ONECUT1: variants seen among roughly 807,000 people sequenced by gnomAD.
The protein encoded by ONECUT1 is hepatocyte nuclear factor 6.
A neutral mutation model predicts 25.6 loss-of-function variants in ONECUT1; 12 were observed. The ratio of observed to expected loss-of-function variants is 0.47; its 90% CI spans 0.30 to 0.76. ONECUT1 has a LOEUF of 0.76. ONECUT1 is among the 30% of genes least tolerant of loss of function. The probability of loss-of-function intolerance (pLI) is 0.07; values close to 1 mark genes in which losing one functional copy is unlikely to be tolerated. For missense variants in ONECUT1, 620 were observed against 651.2 expected (o/e 0.95, Z 0.52); for synonymous variants, 285 against 270.2 (o/e 1.05, Z -0.54).
intron 1 of ONECUT1, among the ~76,000 whole-genome samples, chr15:52,759,510 C>A (rs28641794): frequency 0.038 from 5,783 of 152,282 alleles, 237 homozygotes; most frequent in African/African-American, 0.1. Context: ...AAAAAAAGTT[C>A]TGAGTGTATA....
chr15:52,770,359 C>T (rs1285044410), intron 1 of ONECUT1, among the ~76,000 whole-genome samples: 1 of 152,368 alleles, frequency 6.6e-6, no homozygotes, highest in East Asian at 1.9e-4. Context: ...AGGCTGAGAA[C>T]CACTCCTCTA....
At chr15:52,787,952 G>A (rs1399585992) in intron 1 of ONECUT1, 1 of 152,158 alleles carries the variant, frequency 6.6e-6, no homozygotes, top group East Asian at 1.9e-4. Flanking sequence ...CTAGACTTGG[G>A]GGTCATTTAC....
At chr15:52,760,278 C>A (rs1234647141) in intron 1 of ONECUT1, among the ~76,000 whole-genome samples, 1 of 152,122 alleles carries the variant, frequency 6.6e-6, no homozygotes, top group Admixed American at 6.5e-5. Flanking sequence ...TTCTTCCTCC[C>A]AGAGGCCTAC....
chr15:52,775,160 A>G (rs1350264148), intron 1 of ONECUT1, among the ~76,000 whole-genome samples: 1 of 149,406 alleles, frequency 6.7e-6, no homozygotes, highest in Non-Finnish European at 1.5e-5. Flanking sequence ...ACTGCACTCC[A>G]GCCTGGGTGA....
intron 1 of ONECUT1, among the ~76,000 whole-genome samples, chr15:52,785,355 C>T (rs1003971744): frequency 2.0e-5 from 3 of 152,206 alleles, no homozygotes; most frequent in Non-Finnish European, 2.9e-5. Context: ...AACCCCTCCC[C>T]CCTTGGCTCA....
chr15:52,758,699 GAA>G (rs1596044307), intron 1 of ONECUT1, among the ~76,000 whole-genome samples: 1 of 152,144 alleles, frequency 6.6e-6, no homozygotes, highest in African/African-American at 2.4e-5. Context: ...CCTGTATTAT[GAA>G]GCTGCTTTTT....
rs1488674250 is a variant in ONECUT1 at position 52,784,081 on chromosome 15, G to A, written c.1105+4699C>T. 6.6e-6 allele frequency among the ~76,000 whole-genome samples: 1 copy of A among 152,184 alleles called. No individual in the cohort carries two copies. Among genetic ancestry groups the A allele is most frequent in the Non-Finnish European group, 1.5e-5 (1 of 68,040 alleles). On this transcript the variant is annotated intron_variant, in intron 1 of 1. Coordinates refer to ENST00000305901, the MANE Select transcript of ONECUT1 (RefSeq NM_004498.4). The surrounding 1 kb of genome is among the most constrained non-coding windows in gnomAD (Gnocchi z 5.0). The stretch of plus-strand genomic sequence containing the variant: ...CGCTCGCGGGTCGCCCAGCCCCGAC[G>A]GCCCGCAGGGGGCGCGCGCCGCAGC...
chr15:52,766,962 C>A (rs2083738170), intron 1 of ONECUT1, among the ~76,000 whole-genome samples: 1 of 152,174 alleles, frequency 6.6e-6, no homozygotes, highest in Non-Finnish European at 1.5e-5. Flanking sequence ...GAGATGGGAA[C>A]CCTGGACAAG....
Position 52,789,941 on chromosome 15 carries a change from C to T in ONECUT1, c.-57G>A, listed in dbSNP as rs765171181. On this transcript the variant is annotated 5_prime_UTR_variant, in exon 1 of 2. Transcript: ENST00000305901. The surrounding 1 kb of genome is among the most constrained non-coding windows in gnomAD (Gnocchi z 4.1). ...CATCGATGTGGCCAGGCAGAGGCGG[C>T]GAGGGGCGCACGGAGTCCGGTCTTC... The T allele has an allele frequency of 3.6e-4, 531 of 1,468,078 alleles. No individual in the cohort carries two copies. Among genetic ancestry groups the T allele is most frequent in the Non-Finnish European group, 3.8e-4 (422 of 1,118,382 alleles). The allele number at this position is 1,468,078 out of a possible 1,614,324, so 90.9% of individuals were successfully genotyped here.
chr15:52,769,845 G>A (rs1027854055), intron 1 of ONECUT1, among the ~76,000 whole-genome samples: 1 of 152,172 alleles, frequency 6.6e-6, no homozygotes, highest in African/African-American at 2.4e-5. Context: ...GTCCATATTT[G>A]CCTTAGAGAG....
At chr15:52,769,169 C>G (rs1385188038) in intron 1 of ONECUT1, among the ~76,000 whole-genome samples, 1 of 152,204 alleles carries the variant, frequency 6.6e-6, no homozygotes, top group Non-Finnish European at 1.5e-5. Context: ...CTTCTCCATC[C>G]CCTCTCCCAT....
Position 52,788,385 on chromosome 15 carries a change from TGC to T in ONECUT1, c.1105+393_1105+394del. On this transcript the variant is annotated intron_variant, in intron 1 of 1. Transcript: ENST00000305901. This position sits in a 1 kb window ranked among gnomAD's most constrained non-coding sequence, Gnocchi z 4.3. ...GAGGTACCTGCGAGGAACATTTGCG[TGC>T]GATTCCACGCACGCGTTGCATCCCT... 1 of 188,404 alleles carries T rather than the reference TGC, an allele frequency of 5.3e-6. No individual in the cohort carries two copies. The allele number at this position is 188,404 out of a possible 1,614,324, so 11.7% of individuals were successfully genotyped here. A position where few individuals can be genotyped will look rare whatever the true frequency, so the allele number is the denominator to read the frequency against.
At chr15:52,764,415 T>G (rs2083722553) in intron 1 of ONECUT1, among the ~76,000 whole-genome samples, 1 of 152,172 alleles carries the variant, frequency 6.6e-6, no homozygotes, top group African/African-American at 2.4e-5. Flanking sequence ...TTTTGTGAGG[T>G]GAGAGAAGCC....
intron 1 of ONECUT1, among the ~76,000 whole-genome samples, chr15:52,760,742 C>G (rs1395411689): frequency 1.3e-5 from 2 of 151,894 alleles, no homozygotes; most frequent in East Asian, 3.9e-4. Flanking sequence ...AGACAGAGTT[C>G]AGATATGAAT....
chr15:52,761,218 C>T (rs1402923503), intron 1 of ONECUT1, among the ~76,000 whole-genome samples: 1 of 152,132 alleles, frequency 6.6e-6, no homozygotes, highest in Non-Finnish European at 1.5e-5. Flanking sequence ...ATTTTTGCAC[C>T]TACATTGTTG....
intron 1 of ONECUT1, among the ~76,000 whole-genome samples, chr15:52,762,448 C>T (rs188230290): frequency 3.3e-5 from 5 of 152,296 alleles, no homozygotes; most frequent in Admixed American, 6.5e-5. Context: ...TGGAGACTGT[C>T]GATTAATGTC....
At position 52,789,357 on chromosome 15, in the gene ONECUT1, G is replaced by A. The variant is rs372008157; in HGVS notation, c.528C>T (p.Gly176=). Residue 176 remains glycine, a synonymous_variant, in exon 1 of 2, where the codon GGC becomes GGT. Transcript: ENST00000305901. This position sits in a 1 kb window ranked among gnomAD's most constrained non-coding sequence, Gnocchi z 4.1. ...AGCTGGAGAGGGGCGAGAGGCTCTG[G>A]CCCATGCCGGCCACGTCCTTGTGGT... ...TPYHKDVAGM[G]QSLSPLSSSG... is the part of the protein sequence containing the mutation. 1.2e-6 allele frequency: 2 copies of A among 1,605,974 alleles called. No individual in the cohort carries two copies. Among genetic ancestry groups the A allele is most frequent in the African/African-American group, 2.7e-5 (2 of 74,838 alleles).
At chr15:52,783,566 C>T (rs1415648669) in intron 1 of ONECUT1, among the ~76,000 whole-genome samples, 1 of 152,228 alleles carries the variant, frequency 6.6e-6, no homozygotes, top group Non-Finnish European at 1.5e-5. Context: ...CCCTTTCACC[C>T]ACCCCACACA....
chr15:52,789,957 T>C lies in ONECUT1; in HGVS notation c.-73A>G. ...CAGAGGCGGCGAGGGGCGCACGGAG[T>C]CCGGTCTTCACATCGGCTGCTGGCG... On this transcript the variant is annotated 5_prime_UTR_variant, in exon 1 of 2. Transcript: ENST00000305901. The surrounding 1 kb of genome is among the most constrained non-coding windows in gnomAD (Gnocchi z 4.1). 1 of 1,455,950 alleles carries C rather than the reference T, an allele frequency of 6.9e-7. No homozygotes were observed. The highest frequency in any genetic ancestry group is 9.0e-7 in the Non-Finnish European group (1 of 1,112,364). The allele number at this position is 1,455,950 out of a possible 1,614,324, so 90.2% of individuals were successfully genotyped here.
Sources: allele counts gnomAD v4.1 joint callset (sites outside exome capture counted in the v4.1 genomes callset), GRCh38; gene constraint gnomAD v4.1.1; non-coding constraint Gnocchi (gnomAD v3.1); transcripts MANE v1.5; gene names NCBI Gene and HGNC (gene_info 2026-07-23, HGNC 2026-07-21).